Variants in SPTBN1 observed in about 807,000 individuals in gnomAD.
The protein encoded by SPTBN1 is spectrin beta chain, non-erythrocytic 1.
Under a neutral mutation model 266.4 loss-of-function variants are expected in SPTBN1, and 32 were observed. That is an observed-to-expected ratio of 0.12 (90% confidence interval 0.09 to 0.16). The LOEUF is 0.16. Ranked by LOEUF, SPTBN1 falls within the 10% of genes least tolerant of loss-of-function variation. SPTBN1 has a pLI of 1.00. For synonymous variants in SPTBN1, 1,336 were observed against 1,162.2 expected, an observed-to-expected ratio of 1.15 and a Z score of -3.04; for missense variants, 2,296 against 3,067.1, an observed-to-expected ratio of 0.75 and a Z score of 5.94.
chr2:54,616,209 C>A lies in SPTBN1; in HGVS notation c.477C>A (p.Ile159=). The A allele has an allele frequency of 6.2e-7, 1 of 1,613,024 alleles. No individual in the cohort carries two copies. The highest frequency in any genetic ancestry group is 8.5e-7 in the Non-Finnish European group (1 of 1,179,294). The change falls in exon 5 of 36, where the codon ATC becomes ATA. Residue 159 remains isoleucine (I), a splice_region_variant and synonymous_variant. Transcript: ENST00000356805. ...LIWTIILRFQ[I]QDISVETEDN... is the part of the protein sequence containing the mutation. ...TAATATTTCTTTGTAAATCTTAGAT[C>A]CAGGATATCAGTGTGGAAACTGAAG...
chr2:54,644,262 C>T lies in SPTBN1; in HGVS notation c.4006-61C>T, dbSNP rs953441318. On this transcript the variant is annotated intron_variant, in intron 19 of 35. Coordinates refer to ENST00000356805, the MANE Select transcript of SPTBN1 (RefSeq NM_003128.3). ...TCAAATGTCCTAGGTTTGTTTTTCACAGTGACATTTTTTCTGTAGCAAACT... is the reference window on the plus strand; with the variant it reads ...TCAAATGTCCTAGGTTTGTTTTTCATAGTGACATTTTTTCTGTAGCAAACT... 7 of 1,562,264 alleles carry T rather than the reference C, an allele frequency of 4.5e-6. No individual in the cohort carries two copies. The East Asian group carries it at 1.6e-4, about 35-fold the overall frequency.
At chr2:54,525,568 T>C (rs891758311) in intron 1 of SPTBN1, among the ~76,000 whole-genome samples, 2 of 152,124 alleles carry the variant, frequency 1.3e-5, no homozygotes, top group African/African-American at 2.4e-5. Context: ...TTTTCTAATA[T>C]GTAAGTGAGA....
intron 32 of SPTBN1, chr2:54,661,774 GGACT>G: frequency 1.0e-6 from 1 of 985,196 alleles, no homozygotes; most frequent in African/African-American, 1.7e-5. Context: ...TGTATCATCA[GGACT>G]GACACCCAAT....
At chr2:54,663,286 A>G (rs143694961) in intron 32 of SPTBN1, 41 of 152,394 alleles carry the variant, frequency 2.7e-4, no homozygotes, top group African/African-American at 8.2e-4. Flanking sequence ...TGGGCGACGT[A>G]TCTAATGAGC....
intron 24 of SPTBN1, 72 bp downstream of exon 24, chr2:54,647,333 C>T (rs1390816994): frequency 5.8e-5 from 91 of 1,563,994 alleles, no homozygotes; most frequent in Non-Finnish European, 7.5e-5. Context: ...CTAACCCCCA[C>T]CAAAAGAAAA....
chr2:54,602,979 C>T (rs1378140090), intron 3 of SPTBN1, among the ~76,000 whole-genome samples: 3 of 152,202 alleles, frequency 2.0e-5, no homozygotes, highest in Non-Finnish European at 2.9e-5. Flanking sequence ...GGAGAATTTA[C>T]TTTTGTTTTA....
At chr2:54,552,775 T>G (rs986649821) in intron 2 of SPTBN1, among the ~76,000 whole-genome samples, 13 of 152,218 alleles carry the variant, frequency 8.5e-5, no homozygotes, top group Admixed American at 7.8e-4. Flanking sequence ...TTTTAACCAC[T>G]TTTTCTCCTG....
At chr2:54,471,173 T>C (rs4362595) in intron 1 of SPTBN1, among the ~76,000 whole-genome samples, 113,019 of 152,070 alleles carry the variant, frequency 0.74, 42,901 homozygotes, top group African/African-American at 0.92. Flanking sequence ...TGCTTGAGCC[T>C]AGGAGTTTGA....
At chr2:54,563,910 A>G (rs1673495478) in intron 2 of SPTBN1, among the ~76,000 whole-genome samples, 2 of 152,174 alleles carry the variant, frequency 1.3e-5, no homozygotes, top group Admixed American at 1.3e-4. Context: ...AACTTTTTGT[A>G]GATAAAGAAA....
chr2:54,483,692 G>A (rs1169141677), intron 1 of SPTBN1, among the ~76,000 whole-genome samples: 6 of 152,224 alleles, frequency 3.9e-5, no homozygotes, highest in African/African-American at 1.4e-4. Flanking sequence ...AGAGCTCTGA[G>A]AATGCATGGA....
chr2:54,589,021 C>T (rs965525253), intron 2 of SPTBN1, among the ~76,000 whole-genome samples: 1 of 152,076 alleles, frequency 6.6e-6, no homozygotes, highest in African/African-American at 2.4e-5. Context: ...TTAATAATCA[C>T]ATCGTGGAGA....
chr2:54,595,312 G>T (rs1466097077), intron 2 of SPTBN1, among the ~76,000 whole-genome samples: 1 of 152,116 alleles, frequency 6.6e-6, no homozygotes, highest in African/African-American at 2.4e-5. Flanking sequence ...GCGGGAGGGT[G>T]GGGGCAAATA....
intron 1 of SPTBN1, among the ~76,000 whole-genome samples, chr2:54,506,766 G>A (rs906246602): frequency 1.3e-5 from 2 of 152,110 alleles, no homozygotes; most frequent in African/African-American, 4.8e-5. Flanking sequence ...AAACACCATC[G>A]TAGTGCGTGC....
chr2:54,495,275 C>G (rs1456630360), intron 1 of SPTBN1, among the ~76,000 whole-genome samples: 1 of 152,134 alleles, frequency 6.6e-6, no homozygotes, highest in Admixed American at 6.5e-5. Flanking sequence ...AGGGGACAGA[C>G]AAAATCAACT....
At chr2:54,588,539 C>T (rs1675451281) in intron 2 of SPTBN1, among the ~76,000 whole-genome samples, 1 of 152,140 alleles carries the variant, frequency 6.6e-6, no homozygotes, top group African/African-American at 2.4e-5. Context: ...TAGCAGCATG[C>T]CCTCGGGGGG....
At chr2:54,635,520 G>A (rs1466276173) in intron 17 of SPTBN1, among the ~76,000 whole-genome samples, 1 of 152,256 alleles carries the variant, frequency 6.6e-6, no homozygotes, top group African/African-American at 2.4e-5. Flanking sequence ...TAACTGCCGG[G>A]CATGCATGAG....
chr2:54,603,658 T>A (rs960375418), intron 3 of SPTBN1, among the ~76,000 whole-genome samples: 3 of 152,180 alleles, frequency 2.0e-5, no homozygotes, highest in Admixed American at 2.0e-4. Flanking sequence ...CTAATACTCC[T>A]CTGAAAGCTC....
intron 1 of SPTBN1, among the ~76,000 whole-genome samples, chr2:54,485,172 C>CCGTCTCCCTCTCCCTCTCCCTT (rs1398536952): frequency 6.6e-6 from 1 of 151,786 alleles, no homozygotes; most frequent in Non-Finnish European, 1.5e-5. Flanking sequence ...CCCTCTCCCT[C>CCGTCTCCCTCTCCCTCTCCCTT]CGTCTCCCTC....
intron 2 of SPTBN1, among the ~76,000 whole-genome samples, chr2:54,583,593 A>G (rs1675093435): frequency 6.6e-6 from 1 of 152,168 alleles, no homozygotes; most frequent in Non-Finnish European, 1.5e-5. Flanking sequence ...CACTTTTTAA[A>G]AATTAATATC....
Sources: gnomAD v4.1 joint callset for allele counts (sites outside exome capture counted in the v4.1 genomes callset) on GRCh38, gnomAD v4.1.1 for gene constraint, MANE v1.5 for transcripts, NCBI Gene and HGNC (gene_info 2026-07-23, HGNC 2026-07-21) for gene names.